Variants in ANO6 observed in about 807,000 individuals in gnomAD.
The protein encoded by ANO6 is anoctamin 6.
Under a neutral mutation model 117.5 loss-of-function variants are expected in ANO6, and 106 were observed. That is an observed-to-expected ratio of 0.90 (90% CI 0.77 to 1.06). The LOEUF (loss-of-function observed/expected upper bound fraction) is 1.06. Among genes scored for constraint, ANO6 ranks in the 50% least tolerant of loss-of-function variants. The probability of loss-of-function intolerance (pLI) is 0.00; values close to 1 mark genes in which losing one functional copy is unlikely to be tolerated. For synonymous variants in ANO6, 367 were observed against 385.1 expected (o/e 0.95, Z 0.55); for missense variants, 955 against 1,121.1 (o/e 0.85, Z 2.12).
At chr12:45,219,945 C>A (rs1183087372) in intron 1 of ANO6, among the ~76,000 whole-genome samples, 1 of 152,068 alleles carries the variant, frequency 6.6e-6, no homozygotes, top group African/African-American at 2.4e-5. Context: ...TTGTTGCAAG[C>A]CCCTGGGAGT....
chr12:45,432,718 A>G (rs1385455276), downstream of ANO6, among the ~76,000 whole-genome samples: 1 of 152,186 alleles, frequency 6.6e-6, no homozygotes, highest in East Asian at 1.9e-4. Flanking sequence ...CCTTTTTAAA[A>G]TACTCGTTAT....
chr12:45,378,450 C>A (rs1942086642), intron 10 of ANO6, among the ~76,000 whole-genome samples: 1 of 152,020 alleles, frequency 6.6e-6, no homozygotes, highest in Non-Finnish European at 1.5e-5. Flanking sequence ...AACTAGAAAC[C>A]CGGTTTGGTC....
At chr12:45,373,973 TAAAG>T (rs958723462) in intron 9 of ANO6, among the ~76,000 whole-genome samples, 39 of 150,728 alleles carry the variant, frequency 2.6e-4, no homozygotes, top group East Asian at 2.5e-3. Flanking sequence ...GCAAGACTAA[TAAAG>T]AGAGAAGAAT....
chr12:45,219,440 A>G (rs1234148653), intron 1 of ANO6, among the ~76,000 whole-genome samples: 1 of 151,580 alleles, frequency 6.6e-6, no homozygotes, highest in Non-Finnish European at 1.5e-5. Context: ...GGCTCAAGCA[A>G]TTCTCCAACC....
intron 15 of ANO6, 74 bp from the exon 16 acceptor site, chr12:45,409,283 G>A (rs935798091): frequency 2.6e-6 from 4 of 1,564,534 alleles, no homozygotes; most frequent in Non-Finnish European, 2.6e-6. Context: ...GCAGCTTTGA[G>A]ATAGCAGCAA....
intron 1 of ANO6, among the ~76,000 whole-genome samples, chr12:45,220,189 A>T (rs1349716464): frequency 1.3e-5 from 2 of 152,088 alleles, no homozygotes; most frequent in South Asian, 2.1e-4. Flanking sequence ...AAAAAAGACT[A>T]TCAGGAACTA....
chr12:45,324,861 G>A (rs1432285104), intron 2 of ANO6, among the ~76,000 whole-genome samples: 2 of 152,110 alleles, frequency 1.3e-5, no homozygotes, highest in Non-Finnish European at 2.9e-5. Flanking sequence ...CTTAAAATTT[G>A]AGGGACTGCT....
In ANO6 at chr12:45,429,404, G is replaced by T. The variant is rs1463582693; in HGVS notation, c.*93G>T. 1.9e-6 allele frequency: 3 copies of T among 1,541,708 alleles called. No homozygotes were observed. Among genetic ancestry groups the T allele is most frequent in the Non-Finnish European group, 2.6e-6 (3 of 1,147,512 alleles). On this transcript the variant is annotated 3_prime_UTR_variant, in exon 20 of 20. Coordinates refer to ENST00000320560, the MANE Select transcript of ANO6 (RefSeq NM_001025356.3). The stretch of plus-strand genomic sequence containing the variant: ...GAGAATGTGTAAGTTAAATCACTTT[G>T]GCAAATATGAGTCTCAACTATTGCC...
At position 45,416,868 on chromosome 12, in the gene ANO6, C is replaced by G. The variant is rs369660576; in HGVS notation, c.2181C>G (p.Ile727Met). The G allele has an allele frequency of 1.2e-5, 19 of 1,614,066 alleles. No homozygotes were observed. The highest frequency in any genetic ancestry group is 1.7e-5 in the Admixed American group (1 of 60,000). ...KAQDIGAWQPIMQGIAILAVV... is the reference protein window; with the variant it reads ...KAQDIGAWQPMMQGIAILAVV... ...AAGACATTGGAGCATGGCAGCCCAT[C>G]ATGCAAGGAATAGCAATTCTGGCTG... is the stretch of plus-strand genomic sequence containing the variant. Residue 727 changes from isoleucine (I) to methionine (M), a missense_variant, in exon 17 of 20, where the codon ATC becomes ATG. By Grantham distance (10) the Ile-to-Met change is conservative. Coordinates refer to ENST00000320560, the MANE Select transcript of ANO6 (RefSeq NM_001025356.3).
chr12:45,425,559 G>A (rs1211107483), intron 19 of ANO6, among the ~76,000 whole-genome samples: 1 of 152,212 alleles, frequency 6.6e-6, no homozygotes, highest in East Asian at 1.9e-4. Flanking sequence ...AGTAACAACG[G>A]AAGCCAGAAG....
rs1057306275 is a variant in ANO6, at chr12:45,423,151, T to C, written c.2526+89T>C. 3 of 946,240 alleles carry C rather than the reference T, an allele frequency of 3.2e-6. No homozygotes were observed. The African/African-American group carries it at 4.8e-5, about 15-fold the overall frequency. The allele number at this position is 946,240 out of a possible 1,614,324, so 58.6% of individuals were successfully genotyped here. A position where few individuals can be genotyped will look rare whatever the true frequency, so the allele number is the denominator to read the frequency against. On this transcript the variant is annotated intron_variant, in intron 19 of 19. Transcript: ENST00000320560. ...TTGCCAACTCCATACTTAACATGTG[T>C]GATACTTTCTTCTTATCACTTGCTA...
chr12:45,358,887 C>A (rs374313419), intron 8 of ANO6, among the ~76,000 whole-genome samples: 1 of 151,706 alleles, frequency 6.6e-6, no homozygotes, highest in Non-Finnish European at 1.5e-5. Context: ...CAGGTCCAAG[C>A]GAGTCTCCTG....
chr12:45,260,711 A>G (rs1446995321), intron 1 of ANO6, among the ~76,000 whole-genome samples: 1 of 152,196 alleles, frequency 6.6e-6, no homozygotes, highest in Non-Finnish European at 1.5e-5. Context: ...GAGAGGATTG[A>G]GAGGAACCAC....
chr12:45,378,043 T>C lies in ANO6; in HGVS notation c.1105-10T>C. Reference sequence around the variant, plus strand: ...ATATGACTCATTTATATGTCATTTATATTTTCCAGAAATTGTGCATCTTCG... The same window carrying C: ...ATATGACTCATTTATATGTCATTTACATTTTCCAGAAATTGTGCATCTTCG... On this transcript the variant is annotated splice_polypyrimidine_tract_variant and intron_variant, in intron 9 of 19. Coordinates refer to ENST00000320560, the MANE Select transcript of ANO6 (RefSeq NM_001025356.3). 6.2e-7 allele frequency: 1 copy of C among 1,609,518 alleles called. No individual in the cohort carries two copies. Among genetic ancestry groups the C allele is most frequent in the Non-Finnish European group, 8.5e-7 (1 of 1,175,974 alleles).
rs371113354 is a variant in ANO6 at position 45,232,409 on chromosome 12, C to T, written c.70+16018C>T. The stretch of plus-strand genomic sequence containing the variant: ...ATAACAGCAGATTATATTTAAAGAT[C>T]GTGAAAAAAGAGACTGAACCAGGAT... On this transcript the variant is annotated intron_variant, in intron 1 of 19. Transcript: ENST00000320560. 5.9e-5 allele frequency among the ~76,000 whole-genome samples: 9 copies of T among 152,094 alleles called. No homozygotes were observed. In the South Asian group the frequency reaches 6.2e-4, roughly 11 times the overall value.
chr12:45,217,257 C>G (rs1017870806), intron 1 of ANO6, among the ~76,000 whole-genome samples: 1 of 152,206 alleles, frequency 6.6e-6, no homozygotes, highest in East Asian at 1.9e-4. Flanking sequence ...ATAATGTGTC[C>G]CTCCAGAAGA....
intron 1 of ANO6, among the ~76,000 whole-genome samples, chr12:45,258,787 G>A (rs1267015008): frequency 6.6e-6 from 1 of 152,162 alleles, no homozygotes; most frequent in Non-Finnish European, 1.5e-5. Flanking sequence ...TTGTGTGTTT[G>A]TTTCCCCCAA....
intron 15 of ANO6, among the ~76,000 whole-genome samples, chr12:45,408,109 A>C (rs1478061109): frequency 1.3e-5 from 2 of 152,208 alleles, no homozygotes; most frequent in African/African-American, 2.4e-5. Context: ...TGCCTGTCTT[A>C]TGCTGGCTGG....
intron 9 of ANO6, among the ~76,000 whole-genome samples, chr12:45,370,313 A>G (rs1593024380): frequency 6.6e-6 from 1 of 152,234 alleles, no homozygotes; most frequent in Non-Finnish European, 1.5e-5. Context: ...ATCCAGGCCT[A>G]ACTCCCTCTC....
Sources: allele counts gnomAD v4.1 joint callset (sites outside exome capture counted in the v4.1 genomes callset), GRCh38; gene constraint gnomAD v4.1.1; transcripts MANE v1.5; gene names NCBI Gene and HGNC (gene_info 2026-07-23, HGNC 2026-07-21).